The following CDC14A variants were observed in gnomAD, a reference collection of about 807,000 sequenced individuals.
The protein encoded by CDC14A is cell division cycle 14A.
In CDC14A, 53 loss-of-function variants were observed where a neutral mutation model predicts 74.4. That is an observed-to-expected ratio of 0.71 (90% CI 0.57 to 0.89). CDC14A has a LOEUF of 0.89. Among genes scored for constraint, CDC14A ranks in the 40% least tolerant of loss-of-function variants. The pLI is 0.00. For missense variants in CDC14A, 646 were observed against 713.7 expected (o/e 0.91, Z 1.08); for synonymous variants, 247 against 258.4 (o/e 0.96, Z 0.43).
chr1:100,430,104 C>T (rs946561781), intron 5 of CDC14A, among the ~76,000 whole-genome samples: 5 of 152,080 alleles, frequency 3.3e-5, no homozygotes, highest in Non-Finnish European at 1.5e-5. Flanking sequence ...TGTTCTGAAA[C>T]ACTCTGAGGC....
At chr1:100,491,540 CTCTCTCTCTA>C (rs1185267044) in intron 11 of CDC14A, among the ~76,000 whole-genome samples, 5 of 40,284 alleles carry the variant, frequency 1.2e-4, no homozygotes, top group African/African-American at 4.0e-4. Context: ...CTCTCTCTCT[CTCTCTCTCTA>C]TATATATATA....
chr1:100,475,771 GCCTCC>G (rs1375634324), intron 10 of CDC14A, among the ~76,000 whole-genome samples: 10 of 152,238 alleles, frequency 6.6e-5, no homozygotes, highest in African/African-American at 2.4e-4. Flanking sequence ...TCTCCACTAG[GCCTCC>G]TGTGACACCA....
chr1:100,515,390 T>TC (rs1437861446), intron 15 of CDC14A, among the ~76,000 whole-genome samples: 1 of 151,566 alleles, frequency 6.6e-6, no homozygotes, highest in Non-Finnish European at 1.5e-5. Flanking sequence ...TTCTTTCTTT[T>TC]TTTTTTTTTT....
At chr1:100,386,502 G>A (rs1656886235) in intron 3 of CDC14A, among the ~76,000 whole-genome samples, 1 of 152,152 alleles carries the variant, frequency 6.6e-6, no homozygotes, top group Non-Finnish European at 1.5e-5. Context: ...CCTTGCAAGT[G>A]TTCTCCTTGA....
chr1:100,373,679 A>G lies in CDC14A; in HGVS notation c.141-3867A>G, dbSNP rs528950334. Among the ~76,000 whole-genome samples the G allele has an allele frequency of 8.5e-5, 13 of 152,322 alleles. No individual in the cohort carries two copies. The East Asian group carries it at 2.5e-3, about 29-fold the overall frequency. ...TCTTGGACTGGTCAGTAAGGGGATTATAGGTATAGTTCATTTTGGATTCGT... is the reference window on the plus strand; with the variant it reads ...TCTTGGACTGGTCAGTAAGGGGATTGTAGGTATAGTTCATTTTGGATTCGT... On this transcript the variant is annotated intron_variant, in intron 2 of 15. Coordinates refer to ENST00000336454, the MANE Select transcript of CDC14A (RefSeq NM_003672.4).
In CDC14A at chr1:100,498,079, G is replaced by T. The variant is rs573263558; in HGVS notation, c.1299-6G>T. 47 of 1,605,918 alleles carry T rather than the reference G, an allele frequency of 2.9e-5. No individual in the cohort carries two copies. The South Asian group carries it at 5.0e-4, about 17-fold the overall frequency. ...TTGTGACACTTTGCCATTTTTCTCC[G>T]CAAAGATTAAGTTCATCCCTGCAAG... On this transcript the variant is annotated splice_polypyrimidine_tract_variant and splice_region_variant and intron_variant, in intron 13 of 15. Transcript: ENST00000336454.
chr1:100,352,004 G>A (rs926488593), upstream of CDC14A, among the ~76,000 whole-genome samples: 2 of 108,688 alleles, frequency 1.8e-5, no homozygotes, highest in African/African-American at 6.4e-5. Flanking sequence ...GTGTGTGTGT[G>A]CGCGCGCGCG....
At chr1:100,452,532 A>T (rs931052541) in intron 7 of CDC14A, among the ~76,000 whole-genome samples, 2 of 152,178 alleles carry the variant, frequency 1.3e-5, no homozygotes, top group African/African-American at 4.8e-5. Context: ...AAGGAATTGT[A>T]AAAATTCATG....
intron 4 of CDC14A, among the ~76,000 whole-genome samples, chr1:100,422,908 T>C (rs1662531005): frequency 6.6e-6 from 1 of 152,156 alleles, no homozygotes; most frequent in African/African-American, 2.4e-5. Context: ...AAAGAAGGTC[T>C]GTAAGTAGAG....
intron 2 of CDC14A, among the ~76,000 whole-genome samples, chr1:100,373,485 A>G (rs1248759395): frequency 2.6e-5 from 4 of 152,246 alleles, no homozygotes; most frequent in African/African-American, 7.2e-5. Flanking sequence ...AAGTGAGCAC[A>G]TGCTGTTGGA....
intron 10 of CDC14A, among the ~76,000 whole-genome samples, chr1:100,470,142 A>G (rs1668251771): frequency 6.6e-6 from 1 of 152,222 alleles, no homozygotes; most frequent in Non-Finnish European, 1.5e-5. Context: ...CATGACCATC[A>G]TGGCTCAATA....
chr1:100,394,039 A>G (rs1421524213), intron 4 of CDC14A: 2 of 253,480 alleles, frequency 7.9e-6, no homozygotes, highest in Non-Finnish European at 1.5e-5. Flanking sequence ...TGGGGACCTC[A>G]GGTTTGCCCT....
At chr1:100,482,028 G>A (rs1669535421) in intron 10 of CDC14A, among the ~76,000 whole-genome samples, 1 of 152,192 alleles carries the variant, frequency 6.6e-6, no homozygotes, top group Admixed American at 6.5e-5. Flanking sequence ...ACACAAATCA[G>A]CTCTGACACC....
chr1:100,476,061 T>C (rs1668861911), intron 10 of CDC14A, among the ~76,000 whole-genome samples: 1 of 152,186 alleles, frequency 6.6e-6, no homozygotes, highest in Non-Finnish European at 1.5e-5. Context: ...GGGGTTTGGC[T>C]GGAGAAGAGC....
chr1:100,349,561 T>C (rs1434208539), upstream of CDC14A, among the ~76,000 whole-genome samples: 1 of 152,238 alleles, frequency 6.6e-6, no homozygotes, highest in African/African-American at 2.4e-5. Flanking sequence ...CATTATCTAG[T>C]TCATATTTTT....
At position 100,439,806 on chromosome 1, in the gene CDC14A, A is replaced by G. The variant is rs554177822; in HGVS notation, c.390-126A>G. The G allele has an allele frequency of 6.0e-6, 4 of 664,518 alleles. No homozygotes were observed. In the East Asian group the frequency reaches 8.1e-5, roughly 13 times the overall value. 41.2% of individuals were successfully genotyped at this position (664,518 alleles called of 1,614,324 possible). A position where few individuals can be genotyped will look rare whatever the true frequency, so the allele number is the denominator to read the frequency against. ...TAATTAGTAGGATCTAATGTATTAT[A>G]TAAGTTTACCATGTTGATAGCTGTG... On this transcript the variant is annotated intron_variant, in intron 5 of 15. Coordinates refer to ENST00000336454, the MANE Select transcript of CDC14A (RefSeq NM_003672.4).
intron 2 of CDC14A, among the ~76,000 whole-genome samples, chr1:100,365,207 G>T (rs929886024): frequency 2.0e-5 from 3 of 152,182 alleles, no homozygotes; most frequent in Non-Finnish European, 4.4e-5. Flanking sequence ...TTGCTTTCTG[G>T]CTGTGCAGAA....
intron 2 of CDC14A, among the ~76,000 whole-genome samples, chr1:100,371,670 C>T (rs1212804782): frequency 6.6e-6 from 1 of 152,174 alleles, no homozygotes; most frequent in Non-Finnish European, 1.5e-5. Flanking sequence ...GATGCATAAA[C>T]TTTTTGAGGT....
chr1:100,355,989 G>A (rs565958968), intron 2 of CDC14A, among the ~76,000 whole-genome samples: 1 of 152,298 alleles, frequency 6.6e-6, no homozygotes, highest in Admixed American at 6.5e-5. Flanking sequence ...GGATGGACAA[G>A]GTCTTATCAG....
Sources: gnomAD v4.1 joint callset for allele counts (sites outside exome capture counted in the v4.1 genomes callset) on GRCh38, gnomAD v4.1.1 for gene constraint, MANE v1.5 for transcripts, NCBI Gene and HGNC (gene_info 2026-07-23, HGNC 2026-07-21) for gene names.